The following ANO7 variants were observed in gnomAD, a reference collection of about 807,000 sequenced individuals.
ANO7 encodes the protein anoctamin 7, also known as anoctamin-7.
ANO7 carries 114 observed loss-of-function variants against 115.8 expected under a neutral mutation model. The ratio of observed to expected loss-of-function variants is 0.98; its 90% CI spans 0.85 to 1.15. ANO7 has a LOEUF of 1.15. ANO7 is among the 50% of genes most tolerant of loss of function. The pLI is 0.00. For synonymous variants in ANO7, 550 were observed against 498.2 expected (o/e 1.10, Z -1.38); for missense variants, 1,302 against 1,201.2 (o/e 1.08, Z -1.24).
chr2:241,212,610 G>A lies in ANO7; in HGVS notation c.1712G>A (p.Gly571Glu), dbSNP rs779097306. The A allele has an allele frequency of 6.2e-7, 1 of 1,613,268 alleles. No homozygotes were observed. Among genetic ancestry groups the A allele is most frequent in the East Asian group, 2.2e-5 (1 of 44,882 alleles). The change falls in exon 17 of 25, where the codon GGA becomes GAA. Residue 571 changes from glycine (G) to glutamate (E), a missense_variant. Coordinates refer to ENST00000674324, the MANE Select transcript of ANO7 (RefSeq NM_001370694.2). Reference sequence around the variant, plus strand: ...CCAGGCAACTACCACACCTTGTTTGGAGTCCGCAATGAGGAGGTGAGTGTG... The same window carrying A: ...CCAGGCAACTACCACACCTTGTTTGAAGTCCGCAATGAGGAGGTGAGTGTG... The part of the protein sequence containing the change: ...GYPGNYHTLF[G>E]VRNEECAAGG...
At position 241,203,353 on chromosome 2, in the gene ANO7, A is replaced by G; in HGVS notation, c.744A>G (p.Pro248=). ...CCCAGGGCCCCTTCAAGACGCCCCC[A>G]GAGGGCCCGCAGGCTCCACGCCTCA... ...PLHDGPFKTP[P]EGPQAPRLNQ... is the part of the protein sequence containing the mutation. The change falls in exon 9 of 25, where the codon CCA becomes CCG. Residue 248 remains proline, a synonymous_variant. Transcript: ENST00000674324. This position sits in a 1 kb window ranked among gnomAD's most constrained non-coding sequence, Gnocchi z 4.8. 1.3e-6 allele frequency: 2 copies of G among 1,568,716 alleles called. No homozygotes were observed. Among genetic ancestry groups the G allele is most frequent in the Non-Finnish European group, 1.7e-6 (2 of 1,160,042 alleles).
rs778221406 is a variant in ANO7, at chr2:241,195,765, C to T, written c.229C>T (p.Arg77Trp). 1.9e-5 allele frequency: 31 copies of T among 1,614,118 alleles called. No individual in the cohort carries two copies. The highest frequency in any genetic ancestry group is 1.6e-4 in the Middle Eastern group (1 of 6,084). Residue 77 changes from arginine (R) to tryptophan (W), a missense_variant, in exon 4 of 25, where the codon CGG becomes TGG. Transcript: ENST00000674324. The part of the protein sequence containing the change: ...KLDRQQDSAA[R>W]DRTDMHRTWR... Reference sequence around the variant, plus strand: ...AGACAGGCAGCAGGACAGTGCCGCCCGGGACAGAACAGACATGCACAGGAC... The same window carrying T: ...AGACAGGCAGCAGGACAGTGCCGCCTGGGACAGAACAGACATGCACAGGAC...
chr2:241,195,628 G>A, intron 3 of ANO7, 75 bp from the exon 4 acceptor site: 1 of 1,467,014 alleles, frequency 6.8e-7, no homozygotes, highest in East Asian at 2.3e-5. Context: ...TCCCGGCTGG[G>A]ATGCTGGCAT....
chr2:241,235,913 C>T, the ANO7 span, among the ~76,000 whole-genome samples: 14 of 152,160 alleles, frequency 9.2e-5, no homozygotes, highest in Middle Eastern at 3.4e-3. Flanking sequence ...CGGCTTTGAC[C>T]GATGCCCATG....
At chr2:241,232,240 G>T in the ANO7 span, among the ~76,000 whole-genome samples, 1 of 151,272 alleles carries the variant, frequency 6.6e-6, no homozygotes, top group Non-Finnish European at 1.5e-5. Flanking sequence ...GGCTCATGGT[G>T]TATTAGATGG....
intron 15 of ANO7, among the ~76,000 whole-genome samples, chr2:241,211,119 G>C (rs574544243): frequency 1.3e-5 from 2 of 152,266 alleles, no homozygotes; most frequent in South Asian, 4.1e-4. Context: ...AGTGAGCAGG[G>C]CCTTCCTGGA....
downstream of ANO7, chr2:241,229,696 A>G (rs1008378864): frequency 1.2e-6 from 2 of 1,613,846 alleles, no homozygotes; most frequent in Non-Finnish European, 1.7e-6. Context: ...GCCTGTGCAG[A>G]GAGAGGACAC....
chr2:241,207,794 G>A, intron 11 of ANO7, 124 bp downstream of exon 11: 1 of 861,514 alleles, frequency 1.2e-6, no homozygotes, highest in South Asian at 1.5e-5. Context: ...GCTAAAGGCA[G>A]AACGCTCCAT....
At chr2:241,217,492 C>T (rs949218201) in intron 19 of ANO7, 194 bp from the exon 20 acceptor site, 4 of 623,662 alleles carry the variant, frequency 6.4e-6, no homozygotes, top group African/African-American at 3.9e-5. Flanking sequence ...GCAGGACAGC[C>T]GGCCTGAGGC....
intron 10 of ANO7, among the ~76,000 whole-genome samples, chr2:241,205,372 G>T (rs28473054): frequency 0.25 from 37,192 of 146,064 alleles, 4,635 homozygotes; most frequent in African/African-American, 0.29. Flanking sequence ...AGGCTGATAG[G>T]TGGACAGGAG....
Position 241,209,333 on chromosome 2 carries a change from A to C in ANO7, c.1126A>C (p.Met376Leu), listed in dbSNP as rs746772503. Residue 376 changes from methionine (M) to leucine (L), a missense_variant, in exon 12 of 25, where the codon ATG becomes CTG. Coordinates refer to ENST00000674324, the MANE Select transcript of ANO7 (RefSeq NM_001370694.2). ...HGGTVFFSLFMALWAVLLLEY... is the reference protein window; with the variant it reads ...HGGTVFFSLFLALWAVLLLEY... ...CGGCACCGTGTTCTTCAGCTTGTTC[A>C]TGGCACTGTGGGCCGTGCTGCTGCT... The C allele has an allele frequency of 1.9e-6, 3 of 1,575,750 alleles. No individual in the cohort carries two copies. The highest frequency in any genetic ancestry group is 2.6e-6 in the Non-Finnish European group (3 of 1,161,244).
chr2:241,222,271 T>TAAATAAAG (rs1012279448), intron 21 of ANO7, among the ~76,000 whole-genome samples: 2 of 140,080 alleles, frequency 1.4e-5, no homozygotes, highest in African/African-American at 5.6e-5. Context: ...AATAAATAAA[T>TAAATAAAG]AAAGTGCTGG....
chr2:241,236,741 C>T, the ANO7 span: 1 of 1,614,060 alleles, frequency 6.2e-7, no homozygotes, highest in Admixed American at 1.7e-5. Flanking sequence ...CGTCCCCATT[C>T]TCCTGGACAA....
At position 241,201,305 on chromosome 2, in the gene ANO7, G is replaced by A. The variant is rs144166359; in HGVS notation, c.562G>A (p.Gly188Arg). The A allele has an allele frequency of 5.5e-5, 89 of 1,613,266 alleles. 1 individual carries two copies. In the African/African-American group the frequency reaches 8.0e-4, roughly 14 times the overall value. ...CTGTTCACATGCCCACAGCTTCCTC[G>A]GGAGTGACAACCAGGACACCTTCTT... Reference protein sequence around the residue: ...FRVNKLPRFLGSDNQDTFFTS... With the variant: ...FRVNKLPRFLRSDNQDTFFTS... The change falls in exon 7 of 25, where the codon GGG becomes AGG. Residue 188 changes from glycine to arginine, a missense_variant. Physicochemically the swap from Gly to Arg is moderately radical, Grantham distance 125. Transcript: ENST00000674324.
chr2:241,238,933 C>T, the ANO7 span: 2 of 611,296 alleles, frequency 3.3e-6, no homozygotes, highest in African/African-American at 1.9e-5. This position sits in a 1 kb window ranked among gnomAD's most constrained non-coding sequence, Gnocchi z 4.9. Flanking sequence ...TCCAGGGCTC[C>T]AGGCGCAGGG....
chr2:241,233,685 T>C, the ANO7 span: 2 of 896,294 alleles, frequency 2.2e-6, no homozygotes, highest in Non-Finnish European at 3.5e-6. The surrounding 1 kb of genome is among the most constrained non-coding windows in gnomAD (Gnocchi z 4.3). Context: ...CAAGCCAGAA[T>C]TAGGTCCTGA....
chr2:241,217,481 G>C (rs2068859352), intron 19 of ANO7: 1 of 601,942 alleles, frequency 1.7e-6, no homozygotes, highest in Admixed American at 3.1e-5. Flanking sequence ...CGGAGCGCAG[G>C]GCAGGACAGC....
chr2:241,210,570 G>C lies in ANO7; in HGVS notation c.1561G>C (p.Glu521Gln), dbSNP rs2068699592. ...VSLAHVLTRWEMHRTQTKFED... is the reference protein window; with the variant it reads ...VSLAHVLTRWQMHRTQTKFED... Reference sequence around the variant, plus strand: ...CCTGGCCCACGTCCTGACACGATGGGGTGAGTGGGCTGAGGCCGGCCAGGC... The same window carrying C: ...CCTGGCCCACGTCCTGACACGATGGCGTGAGTGGGCTGAGGCCGGCCAGGC... The change falls in exon 15 of 25, where the codon GAA (glutamate) becomes CAA (glutamine). Residue 521 changes from glutamate to glutamine, a missense_variant and splice_region_variant. Physicochemically the swap from Glu to Gln is conservative, Grantham distance 29. Transcript: ENST00000674324. 1 of 1,613,332 alleles carries C rather than the reference G, an allele frequency of 6.2e-7. No individual in the cohort carries two copies. The highest frequency in any genetic ancestry group is 2.2e-5 in the East Asian group (1 of 44,886).
At chr2:241,196,240 C>T (rs1559440366) in intron 4 of ANO7, 1 of 937,420 alleles carries the variant, frequency 1.1e-6, no homozygotes, top group African/African-American at 1.7e-5. Flanking sequence ...TGTTTGCTTT[C>T]GGTGATAATG....
Sources: gnomAD v4.1 joint callset for allele counts (sites outside exome capture counted in the v4.1 genomes callset) on GRCh38, gnomAD v4.1.1 for gene constraint, Gnocchi (gnomAD v3.1) non-coding constraint, MANE v1.5 for transcripts, NCBI Gene and HGNC (gene_info 2026-07-23, HGNC 2026-07-21) for gene names.